The following DSG1 variants were observed in gnomAD, a reference collection of about 807,000 sequenced individuals.
DSG1 encodes the protein desmoglein 1.
DSG1 carries 39 observed loss-of-function variants against 97.5 expected under a neutral mutation model. The ratio of observed to expected loss-of-function variants is 0.40; its 90% CI spans 0.31 to 0.52. The LOEUF (loss-of-function observed/expected upper bound fraction) is 0.52. Ranked by LOEUF, DSG1 falls within the 20% of genes least tolerant of loss-of-function variation. The pLI is 0.53. For synonymous variants in DSG1, 475 were observed against 443.4 expected, an observed-to-expected ratio of 1.07 and a Z score of -0.90; for missense variants, 1,311 against 1,295.4, an observed-to-expected ratio of 1.01 and a Z score of -0.18.
rs1054457237 is a variant in DSG1, at chr18:31,357,893, T to C, written c.*2547T>C. On this transcript the variant is annotated 3_prime_UTR_variant, in exon 15 of 15. Coordinates refer to ENST00000257192, the MANE Select transcript of DSG1 (RefSeq NM_001942.4). Reference sequence around the variant, plus strand: ...TGCACACTGATTTTCCATTTAGTCCTAAATTTTAAAATTCCCTTTTCAAGA... The same window carrying C: ...TGCACACTGATTTTCCATTTAGTCCCAAATTTTAAAATTCCCTTTTCAAGA... Among the ~76,000 whole-genome samples, 1 of 152,022 alleles carries C rather than the reference T, an allele frequency of 6.6e-6. No individual in the cohort carries two copies. The highest frequency in any genetic ancestry group is 2.4e-5 in the African/African-American group (1 of 41,440).
In DSG1 at chr18:31,355,636, C is replaced by T. The variant is rs955001708; in HGVS notation, c.*290C>T. The T allele has an allele frequency of 9.0e-5, 38 of 423,864 alleles. No individual in the cohort carries two copies. The highest frequency in any genetic ancestry group is 5.1e-4 in the East Asian group (12 of 23,510). The allele number at this position is 423,864 out of a possible 1,614,324, so 26.3% of individuals were successfully genotyped here. ...CATCTCCAGCATGTAACTGGCCTTA[C>T]GATGGCAATTGGCATCATTCTCCTT... On this transcript the variant is annotated 3_prime_UTR_variant, in exon 15 of 15. Coordinates refer to ENST00000257192, the MANE Select transcript of DSG1 (RefSeq NM_001942.4).
chr18:31,344,645 G>A (rs1420095253), intron 13 of DSG1, among the ~76,000 whole-genome samples: 1 of 151,996 alleles, frequency 6.6e-6, no homozygotes. Flanking sequence ...CCAGCACGTG[G>A]GTAAGACTGT....
chr18:31,318,406 CT>C, intron 1 of DSG1, 58 bp downstream of exon 1: 1 of 1,439,370 alleles, frequency 6.9e-7, no homozygotes, highest in Non-Finnish European at 9.8e-7. Flanking sequence ...CAAGTGAAAA[CT>C]TTTTAGAAAA....
At chr18:31,319,354 G>T (rs539485394) in intron 1 of DSG1, among the ~76,000 whole-genome samples, 1 of 152,222 alleles carries the variant, frequency 6.6e-6, no homozygotes, top group Non-Finnish European at 1.5e-5. Flanking sequence ...TGTTGGGTTG[G>T]TTGGTATAAT....
chr18:31,338,451 G>A lies in DSG1; in HGVS notation c.1402G>A (p.Asp468Asn), dbSNP rs763196768. 4 of 1,612,722 alleles carry A rather than the reference G, an allele frequency of 2.5e-6. No homozygotes were observed. The East Asian group carries it at 8.9e-5, about 36-fold the overall frequency. The change falls in exon 10 of 15, where the codon GAT becomes AAT. Residue 468 changes from aspartate (D) to asparagine (N), a missense_variant. By Grantham distance (23) the Asp-to-Asn change is conservative. Around this residue, in one of 3 missense-constraint regions of DSG1, gnomAD observed 1,038 missense variants for 964.6 expected, o/e 1.08. Transcript: ENST00000257192. The stretch of plus-strand genomic sequence containing the variant: ...ATACCAAGGAACGATTCTCTCTATA[G>A]ATGGTAAGAAATTAATTTACATTTT... Reference protein sequence around the residue: ...GKYQGTILSIDDNLQRTCTGT... With the variant: ...GKYQGTILSINDNLQRTCTGT...
chr18:31,318,560 T>G (rs2071634390), intron 1 of DSG1, among the ~76,000 whole-genome samples: 1 of 152,166 alleles, frequency 6.6e-6, no homozygotes, highest in Non-Finnish European at 1.5e-5. Context: ...GTCAACTCAT[T>G]GTATTACATC....
chr18:31,354,687 G>A lies in DSG1; in HGVS notation c.2491G>A (p.Gly831Ser). The change falls in exon 15 of 15, where the codon GGC (glycine) becomes AGC (serine). Residue 831 changes from glycine (G) to serine (S), a missense_variant. Coordinates refer to ENST00000257192, the MANE Select transcript of DSG1 (RefSeq NM_001942.4). ...LHPKPILDPL[G>S]YGNVTVTESY... ...TCCTAAGCCTATTCTCGATCCTCTG[G>A]GCTATGGTAATGTCACTGTGACCGA... 1 of 1,614,018 alleles carries A rather than the reference G, an allele frequency of 6.2e-7. No individual in the cohort carries two copies. Among genetic ancestry groups the A allele is most frequent in the Non-Finnish European group, 8.5e-7 (1 of 1,179,998 alleles).
intron 1 of DSG1, 31 bp from the exon 2 acceptor site, chr18:31,326,550 A>T: frequency 6.5e-7 from 1 of 1,527,090 alleles, no homozygotes; most frequent in Non-Finnish European, 9.1e-7. Context: ...TAATTAAAAA[A>T]TAACTAGTGT....
chr18:31,334,568 A>G (rs185265141), intron 8 of DSG1, among the ~76,000 whole-genome samples: 21 of 152,326 alleles, frequency 1.4e-4, no homozygotes, highest in Admixed American at 3.3e-4. Context: ...AACTGTGTCC[A>G]TGTCAACATT....
chr18:31,329,383 G>T (rs558735635), intron 4 of DSG1, among the ~76,000 whole-genome samples: 1 of 151,822 alleles, frequency 6.6e-6, no homozygotes, highest in South Asian at 2.1e-4. Context: ...CACTCACACC[G>T]CCTGCCTGTA....
chr18:31,345,647 C>G (rs867570183), intron 13 of DSG1, among the ~76,000 whole-genome samples: 29 of 146,772 alleles, frequency 2.0e-4, no homozygotes, highest in Middle Eastern at 3.5e-3. Context: ...TCTAGTTATA[C>G]ACTGTTTTTT....
chr18:31,329,936 G>A lies in DSG1; in HGVS notation c.417G>A (p.Arg139=). The change falls in exon 5 of 15, where the codon AGG becomes AGA. Residue 139 remains arginine (R), a synonymous_variant. Transcript: ENST00000257192. The part of the protein sequence containing the change: ...ALNSMGQDLE[R]PLELRVRVLD... ...ACTCAATGGGCCAAGATTTAGAGAG[G>A]CCTCTAGAGCTCAGAGTCAGGGTTT... 6.2e-7 allele frequency: 1 copy of A among 1,613,194 alleles called. No individual in the cohort carries two copies. The highest frequency in any genetic ancestry group is 8.5e-7 in the Non-Finnish European group (1 of 1,179,352).
At chr18:31,321,368 A>G (rs985927793) in intron 1 of DSG1, among the ~76,000 whole-genome samples, 1 of 152,114 alleles carries the variant, frequency 6.6e-6, no homozygotes, top group Non-Finnish European at 1.5e-5. Context: ...GACAAGCAAA[A>G]GAGAGAGCTC....
chr18:31,329,902 G>A lies in DSG1; in HGVS notation c.383G>A (p.Arg128Gln), dbSNP rs866214983. 6 of 1,612,838 alleles carry A rather than the reference G, an allele frequency of 3.7e-6. No homozygotes were observed. The highest frequency in any genetic ancestry group is 2.2e-5 in the South Asian group (2 of 91,054). The change falls in exon 5 of 15, where the codon CGA becomes CAA. Residue 128 changes from arginine to glutamine, a missense_variant. Arg to Gln is a conservative substitution (Grantham distance 43). Coordinates refer to ENST00000257192, the MANE Select transcript of DSG1 (RefSeq NM_001942.4). ...EVTPFFIIYC[R>Q]ALNSMGQDLE... ...TCTTTTCTCTCCCAGATCTACTGCC[G>A]AGCTCTGAACTCAATGGGCCAAGAT...
intron 5 of DSG1, among the ~76,000 whole-genome samples, chr18:31,330,663 G>T (rs2144092346): frequency 6.6e-6 from 1 of 152,176 alleles, no homozygotes; most frequent in Non-Finnish European, 1.5e-5. Flanking sequence ...TTCTTCAGAG[G>T]TATGCACTGT....
intron 10 of DSG1, among the ~76,000 whole-genome samples, chr18:31,338,721 G>A (rs1374921958): frequency 6.6e-6 from 1 of 152,096 alleles, no homozygotes; most frequent in African/African-American, 2.4e-5. Flanking sequence ...ATCTATAGCT[G>A]TTGTCTCTTT....
intron 8 of DSG1, among the ~76,000 whole-genome samples, chr18:31,335,859 C>A (rs1280968344): frequency 6.6e-6 from 1 of 150,380 alleles, no homozygotes; most frequent in Non-Finnish European, 1.5e-5. Flanking sequence ...ATATATATTA[C>A]ATTATATTAT....
intron 5 of DSG1, among the ~76,000 whole-genome samples, chr18:31,330,949 A>T (rs1598701147): frequency 6.6e-6 from 1 of 152,196 alleles, no homozygotes; most frequent in East Asian, 1.9e-4. Context: ...GATGCCATGA[A>T]GCATTTGTAG....
intron 13 of DSG1, among the ~76,000 whole-genome samples, chr18:31,344,583 A>G (rs922491408): frequency 6.6e-6 from 1 of 152,216 alleles, no homozygotes; most frequent in Non-Finnish European, 1.5e-5. Context: ...AAACACTATC[A>G]AAATCTTTCT....
Sources: gnomAD v4.1 joint callset for allele counts (sites outside exome capture counted in the v4.1 genomes callset) on GRCh38, gnomAD v4.1.1 for gene constraint, gnomAD v4.1.1 regional missense constraint, MANE v1.5 for transcripts, NCBI Gene and HGNC (gene_info 2026-07-23, HGNC 2026-07-21) for gene names.